Variants in MXI1 observed in about 807,000 individuals in gnomAD.
MXI1 encodes MAX interactor 1, dimerization protein.
MXI1 carries 18 observed loss-of-function variants against 36.9 expected under a neutral mutation model. The ratio of observed to expected loss-of-function variants is 0.49; its 90% CI spans 0.34 to 0.72. MXI1 has a LOEUF of 0.72. MXI1 is among the 30% of genes least tolerant of loss of function. The probability of loss-of-function intolerance (pLI) is 0.01; values close to 1 mark genes in which losing one functional copy is unlikely to be tolerated. For synonymous variants in MXI1, 160 were observed against 146.7 expected (o/e 1.09, Z -0.65); for missense variants, 304 against 379.1 (o/e 0.80, Z 1.64).
intron 3 of MXI1, among the ~76,000 whole-genome samples, chr10:110,268,884 T>A (rs545602761): frequency 2.4e-4 from 36 of 152,306 alleles, no homozygotes; most frequent in African/African-American, 8.7e-4. Context: ...TATTTTAAAT[T>A]CTGTAAATTT....
chr10:110,219,482 C>T (rs1439060793), intron 1 of MXI1, among the ~76,000 whole-genome samples: 1 of 152,172 alleles, frequency 6.6e-6, no homozygotes, highest in Admixed American at 6.5e-5. Context: ...TTGGTACCCC[C>T]TGGGAGCTTG....
intron 2 of MXI1, among the ~76,000 whole-genome samples, chr10:110,239,359 A>G (rs955751439): frequency 3.9e-5 from 6 of 152,140 alleles, no homozygotes; most frequent in African/African-American, 1.4e-4. Flanking sequence ...GGAATCTTGG[A>G]TCATTGATTT....
At position 110,215,031 on chromosome 10, in the gene MXI1, G is replaced by GTTT. The variant is rs1310002307; in HGVS notation, c.274+6958_274+6960dup. ...CCATTTTTCTTTCTGCTCCACTTCA[G>GTTT]TTTTTTTTTTTGTTTTTTTTTTTTT... On this transcript the variant is annotated intron_variant, in intron 1 of 5. Coordinates refer to ENST00000332674, the MANE Select transcript of MXI1 (RefSeq NM_130439.3). 9.1e-3 allele frequency among the ~76,000 whole-genome samples: 889 copies of GTTT among 97,966 alleles called. 82 individuals carry two copies. The highest frequency in any genetic ancestry group is 0.034 in the African/African-American group (633 of 18,452). 64.3% of individuals were successfully genotyped at this position (97,966 alleles called of 152,430 possible). A position where few individuals can be genotyped will look rare whatever the true frequency, so the allele number is the denominator to read the frequency against.
chr10:110,274,260 G>C (rs1477951477), intron 3 of MXI1, among the ~76,000 whole-genome samples: 1 of 152,038 alleles, frequency 6.6e-6, no homozygotes, highest in Non-Finnish European at 1.5e-5. Context: ...TTGAAGGTGT[G>C]GTTAATTTTG....
intron 3 of MXI1, among the ~76,000 whole-genome samples, chr10:110,272,487 C>T (rs1170287593): frequency 6.6e-6 from 1 of 152,090 alleles, no homozygotes; most frequent in Non-Finnish European, 1.5e-5. Flanking sequence ...AACCCTGTGG[C>T]TTCAAATATC....
intron 3 of MXI1, among the ~76,000 whole-genome samples, chr10:110,261,913 C>G (rs757497401): frequency 4.6e-5 from 7 of 151,994 alleles, no homozygotes; most frequent in Non-Finnish European, 1.0e-4. Flanking sequence ...TTTCTGTTAA[C>G]AGGGGAATGA....
chr10:110,228,102 T>C (rs1855127151), intron 1 of MXI1, 87 bp from the exon 2 acceptor site: 2 of 1,471,938 alleles, frequency 1.4e-6, no homozygotes, highest in Non-Finnish European at 1.9e-6. Flanking sequence ...TTCAAAAACC[T>C]GTTACTGCAA....
At chr10:110,211,273 C>T (rs1441678480) in intron 1 of MXI1, among the ~76,000 whole-genome samples, 1 of 152,186 alleles carries the variant, frequency 6.6e-6, no homozygotes. Flanking sequence ...CTGGACTTGA[C>T]CTAGCTGCGT....
intron 3 of MXI1, among the ~76,000 whole-genome samples, chr10:110,262,332 G>A (rs1856545806): frequency 6.6e-6 from 1 of 152,108 alleles, no homozygotes; most frequent in African/African-American, 2.4e-5. Flanking sequence ...TAGGTTATAT[G>A]CAAATATTAC....
chr10:110,282,682 C>A (rs1011832840), intron 5 of MXI1, among the ~76,000 whole-genome samples: 2 of 151,908 alleles, frequency 1.3e-5, no homozygotes, highest in Non-Finnish European at 2.9e-5. Flanking sequence ...TCCCAGTGTA[C>A]CTTACTTTAG....
intron 3 of MXI1, chr10:110,257,779 A>T (rs963879789): frequency 3.0e-6 from 1 of 329,316 alleles, no homozygotes; most frequent in Non-Finnish European, 6.0e-6. Context: ...AGAGACGCGT[A>T]CTTTATAAGA....
At chr10:110,230,237 C>A (rs1318198751) in intron 2 of MXI1, among the ~76,000 whole-genome samples, 3 of 152,238 alleles carry the variant, frequency 2.0e-5, no homozygotes, top group African/African-American at 7.2e-5. Flanking sequence ...TCTTAGTCAT[C>A]TGTTGACTTA....
intron 1 of MXI1, chr10:110,227,833 T>G: frequency 3.8e-6 from 1 of 263,112 alleles, no homozygotes. Context: ...ACAGAGAGAG[T>G]TGAAAGTAAA....
chr10:110,240,674 T>C (rs1855640074), intron 2 of MXI1, among the ~76,000 whole-genome samples: 1 of 152,058 alleles, frequency 6.6e-6, no homozygotes, highest in Non-Finnish European at 1.5e-5. Flanking sequence ...CCTGCTCTAC[T>C]ATAGCTAAAA....
At chr10:110,280,172 CT>C in intron 5 of MXI1, 87 bp downstream of exon 5, 1 of 1,167,816 alleles carries the variant, frequency 8.6e-7, no homozygotes, top group Non-Finnish European at 1.2e-6. Flanking sequence ...ACTGTATTTG[CT>C]TTCTTTCTAG....
intron 2 of MXI1, among the ~76,000 whole-genome samples, chr10:110,229,661 ACTAT>A (rs1855191693): frequency 6.6e-6 from 1 of 152,198 alleles, no homozygotes; most frequent in African/African-American, 2.4e-5. Context: ...AGCTTGATGT[ACTAT>A]CTGTGTTGTG....
intron 3 of MXI1, among the ~76,000 whole-genome samples, chr10:110,270,155 A>G (rs1856810416): frequency 6.6e-6 from 1 of 152,234 alleles, no homozygotes; most frequent in Admixed American, 6.5e-5. Context: ...TTTAGAACAA[A>G]TTGCCACTGT....
At chr10:110,211,125 T>C (rs929028465) in intron 1 of MXI1, among the ~76,000 whole-genome samples, 1 of 149,614 alleles carries the variant, frequency 6.7e-6, no homozygotes, top group African/African-American at 2.5e-5. Flanking sequence ...GTTGGCCGAC[T>C]CAGGTGCACA....
At chr10:110,270,208 G>A (rs1200459978) in intron 3 of MXI1, among the ~76,000 whole-genome samples, 7 of 152,192 alleles carry the variant, frequency 4.6e-5, no homozygotes, top group Non-Finnish European at 1.0e-4. Context: ...TTTGAAACTT[G>A]GAATACAGAA....
Sources: gnomAD v4.1 joint callset for allele counts (sites outside exome capture counted in the v4.1 genomes callset) on GRCh38, gnomAD v4.1.1 for gene constraint, MANE v1.5 for transcripts, NCBI Gene and HGNC (gene_info 2026-07-23, HGNC 2026-07-21) for gene names.